The following LRMDA variants were observed in gnomAD, a reference collection of about 807,000 sequenced individuals.
The protein encoded by LRMDA is leucine-rich melanocyte differentiation-associated protein.
Under a neutral mutation model 29.8 loss-of-function variants are expected in LRMDA, and 18 were observed. That is an observed-to-expected ratio of 0.60 (90% CI 0.42 to 0.90). The LOEUF (loss-of-function observed/expected upper bound fraction) is 0.90. Ranked by LOEUF, LRMDA falls within the 40% of genes least tolerant of loss-of-function variation. The probability of loss-of-function intolerance (pLI) is 0.00; values close to 1 mark genes in which losing one functional copy is unlikely to be tolerated. For missense variants in LRMDA, 273 were observed against 273.9 expected (o/e 1.00, Z 0.02); for synonymous variants, 125 against 109.4 (o/e 1.14, Z -0.89).
chr10:76,093,872 C>G (rs1849272071), intron 5 of LRMDA, among the ~76,000 whole-genome samples: 1 of 152,164 alleles, frequency 6.6e-6, no homozygotes, highest in African/African-American at 2.4e-5. Flanking sequence ...GCTGTGTTAC[C>G]TTCTCATTAA....
chr10:75,966,502 C>G (rs570410538), intron 2 of LRMDA, among the ~76,000 whole-genome samples: 84 of 152,252 alleles, frequency 5.5e-4, no homozygotes, highest in African/African-American at 1.9e-3. Context: ...GCTGTCCTAC[C>G]CAGTACATTG....
chr10:76,374,545 C>A (rs1329303572), intron 6 of LRMDA, among the ~76,000 whole-genome samples: 1 of 152,164 alleles, frequency 6.6e-6, no homozygotes, highest in African/African-American at 2.4e-5. Context: ...CTGAGTCAAT[C>A]AAAAGTTTCT....
At chr10:75,500,291 TA>T (rs1453867220) in intron 2 of LRMDA, among the ~76,000 whole-genome samples, 1 of 152,152 alleles carries the variant, frequency 6.6e-6, no homozygotes, top group Non-Finnish European at 1.5e-5. Context: ...ACCACTAAGA[TA>T]AATTGTGGGC....
At chr10:75,926,338 C>G (rs974579533) in intron 2 of LRMDA, among the ~76,000 whole-genome samples, 1 of 152,160 alleles carries the variant, frequency 6.6e-6, no homozygotes, top group African/African-American at 2.4e-5. Flanking sequence ...GAGGATCTTT[C>G]CTGGTCACAA....
In LRMDA at chr10:76,265,136, G is replaced by C. The variant is rs1389410798; in HGVS notation, c.517-59265G>C. On this transcript the variant is annotated intron_variant, in intron 5 of 6. Transcript: ENST00000611255. The stretch of plus-strand genomic sequence containing the variant: ...GCACAGGGGCACTCTCTGTGACTGA[G>C]TGCGTGAACAGCAGGAGGCAGAAGC... Among the ~76,000 whole-genome samples, 3 of 152,204 alleles carry C rather than the reference G, an allele frequency of 2.0e-5. No individual in the cohort carries two copies. The East Asian group carries it at 5.8e-4, about 29-fold the overall frequency.
intron 5 of LRMDA, among the ~76,000 whole-genome samples, chr10:76,076,125 C>T (rs890648984): frequency 4.2e-4 from 64 of 152,024 alleles, no homozygotes; most frequent in Middle Eastern, 3.4e-3. Flanking sequence ...GGGTGGGTCA[C>T]GAGGTCGGGA....
intron 2 of LRMDA, among the ~76,000 whole-genome samples, chr10:75,757,653 CTGAGT>C (rs1219015032): frequency 6.6e-6 from 1 of 152,222 alleles, no homozygotes; most frequent in Admixed American, 6.5e-5. Context: ...TGAGGATTCA[CTGAGT>C]TAAGATGGTA....
At chr10:76,338,073 GAAA>G (rs71788669) in intron 6 of LRMDA, among the ~76,000 whole-genome samples, 7 of 134,142 alleles carry the variant, frequency 5.2e-5, no homozygotes, top group Non-Finnish European at 8.2e-5. Flanking sequence ...TCTCCTTATA[GAAA>G]AAAAAAAAAA....
chr10:76,236,489 TGAG>T (rs1242198566), intron 5 of LRMDA, among the ~76,000 whole-genome samples: 1 of 152,174 alleles, frequency 6.6e-6, no homozygotes, highest in African/African-American at 2.4e-5. Flanking sequence ...TGAATCAGCA[TGAG>T]AATGGTTTCT....
At chr10:75,540,823 A>G (rs1840006877) in intron 2 of LRMDA, among the ~76,000 whole-genome samples, 1 of 152,164 alleles carries the variant, frequency 6.6e-6, no homozygotes, top group Non-Finnish European at 1.5e-5. Context: ...GTAAATATGT[A>G]ATGTGTTTAT....
intron 2 of LRMDA, among the ~76,000 whole-genome samples, chr10:75,560,829 A>T (rs1416906121): frequency 6.6e-6 from 1 of 152,102 alleles, no homozygotes; most frequent in African/African-American, 2.4e-5. Flanking sequence ...TATATGCTGG[A>T]TTACATTTAT....
At chr10:76,097,813 G>T (rs1849337889) in intron 5 of LRMDA, among the ~76,000 whole-genome samples, 1 of 151,934 alleles carries the variant, frequency 6.6e-6, no homozygotes, top group Admixed American at 6.6e-5. Flanking sequence ...TGCTAGATTT[G>T]ATTTATTAAT....
intron 6 of LRMDA, among the ~76,000 whole-genome samples, chr10:76,485,464 CATTT>C: frequency 6.6e-6 from 1 of 152,006 alleles, no homozygotes; most frequent in Middle Eastern, 3.4e-3. Context: ...TGCTGTCATT[CATTT>C]CACTTATTCA....
intron 2 of LRMDA, among the ~76,000 whole-genome samples, chr10:75,661,610 A>G (rs1841754309): frequency 6.6e-6 from 1 of 152,150 alleles, no homozygotes; most frequent in African/African-American, 2.4e-5. Context: ...TGAGATATAT[A>G]TATTTTTTTC....
chr10:76,122,242 T>C (rs565631899), intron 5 of LRMDA, among the ~76,000 whole-genome samples: 9 of 152,140 alleles, frequency 5.9e-5, no homozygotes, highest in South Asian at 2.1e-4. Context: ...CAGGGTCACC[T>C]GATCACCTTA....
chr10:76,167,544 T>C (rs1052855090), intron 5 of LRMDA, among the ~76,000 whole-genome samples: 30 of 152,212 alleles, frequency 2.0e-4, no homozygotes, highest in Admixed American at 9.8e-4. Context: ...GTCCAATTTG[T>C]CAAAGATCAG....
At chr10:75,858,865 T>A (rs1430593783) in intron 2 of LRMDA, among the ~76,000 whole-genome samples, 1 of 152,238 alleles carries the variant, frequency 6.6e-6, no homozygotes, top group Non-Finnish European at 1.5e-5. Flanking sequence ...CCAGAAGAGA[T>A]AACCACATTA....
In LRMDA at chr10:75,680,127, T is replaced by C. The variant is rs531973911; in HGVS notation, c.131+241633T>C. On this transcript the variant is annotated intron_variant, in intron 2 of 6. Coordinates refer to ENST00000611255, the MANE Select transcript of LRMDA (RefSeq NM_001305581.2). ...TTCTTAGGATTAGATGTGTCCTGGTTCAAATCTGACAGGAGAGACAAAGTT... is the reference window on the plus strand; with the variant it reads ...TTCTTAGGATTAGATGTGTCCTGGTCCAAATCTGACAGGAGAGACAAAGTT... Among the ~76,000 whole-genome samples, 18 of 152,356 alleles carry C rather than the reference T, an allele frequency of 1.2e-4. No homozygotes were observed. In the South Asian group the frequency reaches 3.3e-3, roughly 28 times the overall value.
At chr10:76,241,126 G>A (rs1247827412) in intron 5 of LRMDA, among the ~76,000 whole-genome samples, 1 of 152,010 alleles carries the variant, frequency 6.6e-6, no homozygotes, top group African/African-American at 2.4e-5. Flanking sequence ...GTGGGTGGGT[G>A]GTGAGGGATA....
Sources: allele counts gnomAD v4.1 joint callset (sites outside exome capture counted in the v4.1 genomes callset), GRCh38; gene constraint gnomAD v4.1.1; transcripts MANE v1.5; gene names NCBI Gene and HGNC (gene_info 2026-07-23, HGNC 2026-07-21).